The following CNTN5 variants were observed in gnomAD, a reference collection of about 807,000 sequenced individuals.
The protein encoded by CNTN5 is contactin 5, also known as contactin-5.
Under a neutral mutation model 129.1 loss-of-function variants are expected in CNTN5, and 77 were observed. The ratio of observed to expected loss-of-function variants is 0.60; its 90% CI spans 0.50 to 0.72. The LOEUF is 0.72. CNTN5 is among the 30% of genes least tolerant of loss of function. The pLI is 0.00. For synonymous variants in CNTN5, 509 were observed against 465.6 expected (o/e 1.09, Z -1.20); for missense variants, 1,478 against 1,328.8 (o/e 1.11, Z -1.75).
intron 8 of CNTN5, among the ~76,000 whole-genome samples, chr11:99,973,411 A>G (rs1048275457): frequency 1.3e-5 from 2 of 152,042 alleles, no homozygotes; most frequent in Non-Finnish European, 2.9e-5. Context: ...GCCATAGGTG[A>G]TAGTTGTTCT....
At chr11:99,641,209 C>A (rs1055346741) in intron 3 of CNTN5, among the ~76,000 whole-genome samples, 9 of 152,188 alleles carry the variant, frequency 5.9e-5, no homozygotes, top group African/African-American at 1.7e-4. Flanking sequence ...AATAATCCAG[C>A]TATTGGGATT....
intron 1 of CNTN5, among the ~76,000 whole-genome samples, chr11:99,222,392 C>A (rs1860443191): frequency 6.6e-6 from 1 of 151,478 alleles, no homozygotes; most frequent in Non-Finnish European, 1.5e-5. Context: ...CATGAATTAA[C>A]CCAAGAGAAA....
At chr11:99,567,357 AC>A (rs1949038619) in intron 3 of CNTN5, among the ~76,000 whole-genome samples, 1 of 139,544 alleles carries the variant, frequency 7.2e-6, no homozygotes, top group Non-Finnish European at 1.6e-5. Context: ...AAAAACAACA[AC>A]AAAAGGCATT....
At chr11:99,222,030 C>A (rs1314041842) in intron 1 of CNTN5, among the ~76,000 whole-genome samples, 4 of 151,948 alleles carry the variant, frequency 2.6e-5, no homozygotes, top group South Asian at 4.1e-4. Context: ...AGTAACTTGT[C>A]TTTTAGACTA....
At chr11:99,256,790 A>G (rs1428856025) in intron 1 of CNTN5, among the ~76,000 whole-genome samples, 2 of 152,088 alleles carry the variant, frequency 1.3e-5, no homozygotes, top group Non-Finnish European at 2.9e-5. Flanking sequence ...CACAAACTAT[A>G]CAAAAAATTA....
chr11:99,585,152 G>A (rs1408585138), intron 3 of CNTN5, among the ~76,000 whole-genome samples: 1 of 152,198 alleles, frequency 6.6e-6, no homozygotes, highest in African/African-American at 2.4e-5. Context: ...TAAGACAGAT[G>A]AAAGGATTTT....
Position 99,249,740 on chromosome 11 carries a change from G to T in CNTN5, c.-209-75606G>T, listed in dbSNP as rs555384754. 2.0e-5 allele frequency among the ~76,000 whole-genome samples: 3 copies of T among 151,868 alleles called. No homozygotes were observed. In the South Asian group the frequency reaches 6.2e-4, roughly 31 times the overall value. On this transcript the variant is annotated intron_variant, in intron 1 of 24. Coordinates refer to ENST00000524871, the MANE Select transcript of CNTN5 (RefSeq NM_014361.4). ...ATTGATACCTGAGATTTAAACCTCA[G>T]TGGAAGAATTTATACAGTCTTCTAG...
intron 6 of CNTN5, among the ~76,000 whole-genome samples, chr11:99,852,001 T>G (rs889580349): frequency 6.6e-6 from 1 of 152,200 alleles, no homozygotes; most frequent in Non-Finnish European, 1.5e-5. Flanking sequence ...ATTTCATTAG[T>G]CTCTGAGGCT....
At chr11:99,975,078 A>C (rs1317445543) in intron 8 of CNTN5, among the ~76,000 whole-genome samples, 2 of 152,254 alleles carry the variant, frequency 1.3e-5, no homozygotes, top group Admixed American at 6.5e-5. Flanking sequence ...CCATTGCCGC[A>C]GGCCCTTCTG....
rs1218101062 is a variant in CNTN5 at position 99,025,090 on chromosome 11, CCTT to C, written c.-210+3823_-210+3825del. ...TTTATTTATTTATTTTCACAAATGA[CCTT>C]CTCATAACAGATCCGACAGGACTCA... On this transcript the variant is annotated intron_variant, in intron 1 of 24. Transcript: ENST00000524871. Among the ~76,000 whole-genome samples the C allele has an allele frequency of 3.3e-5, 5 of 151,992 alleles. No individual in the cohort carries two copies. The East Asian group carries it at 9.7e-4, about 29-fold the overall frequency.
chr11:99,594,418 T>A (rs1442267586), intron 3 of CNTN5, among the ~76,000 whole-genome samples: 1 of 152,136 alleles, frequency 6.6e-6, no homozygotes, highest in African/African-American at 2.4e-5. Flanking sequence ...CAGAAGGTAG[T>A]CTTGGTCTGT....
At position 99,577,669 on chromosome 11, in the gene CNTN5, G is replaced by C. The variant is rs927334064; in HGVS notation, c.55+21400G>C. On this transcript the variant is annotated intron_variant, in intron 3 of 24. Coordinates refer to ENST00000524871, the MANE Select transcript of CNTN5 (RefSeq NM_014361.4). ...AAAATAAAAAATACAGTGTTTAAAA[G>C]AGTTTGTGGGACTATCACAAGGTAA... 3.9e-5 allele frequency among the ~76,000 whole-genome samples: 6 copies of C among 151,978 alleles called. No individual in the cohort carries two copies. In the East Asian group the frequency reaches 9.7e-4, roughly 24 times the overall value.
chr11:99,522,268 A>C (rs1198896207), intron 2 of CNTN5, among the ~76,000 whole-genome samples: 3 of 152,140 alleles, frequency 2.0e-5, no homozygotes, highest in African/African-American at 7.2e-5. Context: ...TTAGATTACA[A>C]CTGTTGTCAT....
At chr11:99,746,167 T>C (rs184413166) in intron 3 of CNTN5, among the ~76,000 whole-genome samples, 1 of 152,304 alleles carries the variant, frequency 6.6e-6, no homozygotes, top group African/African-American at 2.4e-5. Flanking sequence ...ATGGCAAGAA[T>C]ATTTTTTTCC....
intron 3 of CNTN5, among the ~76,000 whole-genome samples, chr11:99,582,488 C>G (rs1281929376): frequency 3.3e-5 from 5 of 152,320 alleles, no homozygotes; most frequent in African/African-American, 1.2e-4. Context: ...TTTGTCTTTT[C>G]ACATAGTGCC....
chr11:99,849,487 C>T (rs1397865671), intron 6 of CNTN5, among the ~76,000 whole-genome samples: 1 of 152,022 alleles, frequency 6.6e-6, no homozygotes, highest in Non-Finnish European at 1.5e-5. Flanking sequence ...AGCTTGCCTT[C>T]CTGCTCCCAA....
intron 9 of CNTN5, 69 bp downstream of exon 9, chr11:100,002,205 C>A: frequency 1.9e-6 from 2 of 1,072,912 alleles, no homozygotes; most frequent in South Asian, 1.8e-5. Flanking sequence ...ATTTTTGGAT[C>A]ACTTATTTTG....
At chr11:99,275,463 T>C (rs1863383076) in intron 1 of CNTN5, among the ~76,000 whole-genome samples, 1 of 151,468 alleles carries the variant, frequency 6.6e-6, no homozygotes, top group East Asian at 1.9e-4. Context: ...AAATGCTTTT[T>C]GAATGGATAA....
At chr11:99,751,574 C>T (rs749328097) in intron 3 of CNTN5, among the ~76,000 whole-genome samples, 8 of 152,056 alleles carry the variant, frequency 5.3e-5, no homozygotes, top group Admixed American at 1.3e-4. Context: ...TAAAACATTC[C>T]GTGCATAGTA....
Sources: allele counts gnomAD v4.1 joint callset (sites outside exome capture counted in the v4.1 genomes callset), GRCh38; gene constraint gnomAD v4.1.1; transcripts MANE v1.5; gene names NCBI Gene and HGNC (gene_info 2026-07-23, HGNC 2026-07-21).